Variants in ACSS2 observed in about 807,000 individuals in gnomAD.
ACSS2 encodes the protein acetyl-coenzyme A synthetase, cytoplasmic.
In ACSS2, 58 loss-of-function variants were observed where a neutral mutation model predicts 90.6. That is an observed-to-expected ratio of 0.64 (90% confidence interval 0.52 to 0.80). The LOEUF (loss-of-function observed/expected upper bound fraction) is 0.80, where lower values mean the gene tolerates loss of function less well. Among genes scored for constraint, ACSS2 ranks in the 30% least tolerant of loss-of-function variants. ACSS2 has a pLI of 0.00. For missense variants in ACSS2, 759 were observed against 912.0 expected (o/e 0.83, Z 2.16); for synonymous variants, 300 against 330.9 (o/e 0.91, Z 1.01).
At position 34,883,273 on chromosome 20, in the gene ACSS2, C is replaced by T. The variant is rs1207606648; in HGVS notation, c.374+284C>T. Among the ~76,000 whole-genome samples, 5 of 152,170 alleles carry T rather than the reference C, an allele frequency of 3.3e-5. No individual in the cohort carries two copies. In the East Asian group the frequency reaches 9.6e-4, roughly 29 times the overall value. The stretch of plus-strand genomic sequence containing the variant: ...AGAACAAGACTGAGTAGCTTTCTTC[C>T]TCATTCTTGCTTTGGAAGACAAATA... On this transcript the variant is annotated intron_variant, in intron 2 of 17. Transcript: ENST00000360596.
Position 34,882,769 on chromosome 20 carries a change from ATCTGGGCTTCCATT to A in ACSS2, c.179-20_179-7del. 6.2e-7 allele frequency: 1 copy of A among 1,607,716 alleles called. No homozygotes were observed. Among genetic ancestry groups the A allele is most frequent in the Non-Finnish European group, 8.5e-7 (1 of 1,176,360 alleles). ...AAATATGTCTCAGAAGATTAATGATATCTGGGCTTCCATTTCTGTTGCAGAATTCTGGGGAGACA... is the reference window on the plus strand; with the variant it reads ...AAATATGTCTCAGAAGATTAATGATATCTGTTGCAGAATTCTGGGGAGACA... On this transcript the variant is annotated splice_polypyrimidine_tract_variant and intron_variant, in intron 1 of 17. Transcript: ENST00000360596.
intron 2 of ACSS2, among the ~76,000 whole-genome samples, chr20:34,890,545 G>T (rs1439946057): frequency 6.6e-6 from 1 of 152,080 alleles, no homozygotes; most frequent in African/African-American, 2.4e-5. Flanking sequence ...TATAAGGAGA[G>T]GGTGGAAAGA....
chr20:34,901,831 G>A (rs1377291851), intron 2 of ACSS2, among the ~76,000 whole-genome samples: 1 of 152,170 alleles, frequency 6.6e-6, no homozygotes, highest in Non-Finnish European at 1.5e-5. Flanking sequence ...ACAATCCTGT[G>A]CTGCATGGGA....
At chr20:34,918,680 T>C (rs538317568) in intron 7 of ACSS2, among the ~76,000 whole-genome samples, 299 of 152,324 alleles carry the variant, frequency 2.0e-3, no homozygotes, top group African/African-American at 6.2e-3. Flanking sequence ...GGATTGGGTC[T>C]GGACATGTAG....
chr20:34,915,392 A>T (rs1480573199), intron 7 of ACSS2: 1 of 948,324 alleles, frequency 1.1e-6, no homozygotes, highest in African/African-American at 1.6e-5. Flanking sequence ...GCAACTTGAC[A>T]TCTAAGCCAC....
At chr20:34,906,983 CAA>C (rs1228479859) in intron 2 of ACSS2, among the ~76,000 whole-genome samples, 4 of 41,562 alleles carry the variant, frequency 9.6e-5, no homozygotes, top group Non-Finnish European at 5.6e-5. Flanking sequence ...GACTCCATCT[CAA>C]AAAAAAAAAA....
chr20:34,890,126 A>G (rs1568968664), intron 2 of ACSS2, among the ~76,000 whole-genome samples: 1 of 152,098 alleles, frequency 6.6e-6, no homozygotes, highest in South Asian at 2.1e-4. Flanking sequence ...TGTATTAGCT[A>G]TTTTTTTCAT....
chr20:34,883,409 C>G (rs1310192621), intron 2 of ACSS2, among the ~76,000 whole-genome samples: 2 of 152,188 alleles, frequency 1.3e-5, no homozygotes, highest in Non-Finnish European at 2.9e-5. Context: ...TCCTTTGATG[C>G]TTATAATAAT....
At chr20:34,877,536 G>T in intron 1 of ACSS2, among the ~76,000 whole-genome samples, 1 of 151,976 alleles carries the variant, frequency 6.6e-6, no homozygotes, top group East Asian at 1.9e-4. Flanking sequence ...GAGGAAAATC[G>T]GCCAGGAGCA....
In ACSS2 at chr20:34,899,426, C is replaced by CTTT. The variant is rs769704651; in HGVS notation, c.375-13670_375-13669insTTT. ...TCCTTCTTTCTTTCTTTCTTTCTTTCCTTCCTTCCTTCCTTCCTTCCTTCC... is the reference window on the plus strand; with the variant it reads ...TCCTTCTTTCTTTCTTTCTTTCTTTCTTTCTTCCTTCCTTCCTTCCTTCCTTCC... On this transcript the variant is annotated intron_variant, in intron 2 of 17. Coordinates refer to ENST00000360596, the MANE Select transcript of ACSS2 (RefSeq NM_018677.4). Among the ~76,000 whole-genome samples, 521 of 120,120 alleles carry CTTT rather than the reference C, an allele frequency of 4.3e-3. 7 individuals carry two copies. Among genetic ancestry groups the CTTT allele is most frequent in the African/African-American group, 0.016 (454 of 28,464 alleles). 78.8% of individuals were successfully genotyped at this position (120,120 alleles called of 152,430 possible). A position where few individuals can be genotyped will look rare whatever the true frequency, so the allele number is the denominator to read the frequency against.
chr20:34,905,677 T>C (rs1033495608), intron 2 of ACSS2, among the ~76,000 whole-genome samples: 1 of 152,242 alleles, frequency 6.6e-6, no homozygotes. Context: ...GTTTAGGTAC[T>C]AGATGCCTCC....
intron 14 of ACSS2, among the ~76,000 whole-genome samples, chr20:34,925,466 C>A (rs557190693): frequency 6.6e-6 from 1 of 152,012 alleles, no homozygotes; most frequent in Non-Finnish European, 1.5e-5. Context: ...TCTGCCAAAT[C>A]CTATGATGAC....
At chr20:34,903,065 G>C (rs1478216287) in intron 2 of ACSS2, among the ~76,000 whole-genome samples, 1 of 151,788 alleles carries the variant, frequency 6.6e-6, no homozygotes. Context: ...TTCTGTGGCC[G>C]GGTGCAGTGG....
intron 13 of ACSS2, 154 bp from the exon 14 acceptor site, chr20:34,923,169 G>GT: frequency 1.7e-6 from 1 of 605,604 alleles, no homozygotes; most frequent in Non-Finnish European, 3.0e-6. Flanking sequence ...CACCTAGCTA[G>GT]TAAGTGGTAG....
chr20:34,926,406 A>G (rs918657139), intron 16 of ACSS2, 125 bp downstream of exon 16: 147 of 940,524 alleles, frequency 1.6e-4, no homozygotes, highest in Non-Finnish European at 2.0e-4. Context: ...AGGGGGCCCC[A>G]TGGGCTGATT....
In ACSS2 at chr20:34,913,317, G is replaced by A. The variant is rs879242447; in HGVS notation, c.467-76G>A. On this transcript the variant is annotated intron_variant, in intron 3 of 17. Transcript: ENST00000360596. ...AGGAAGAGAACAGGTCAGCTGGGAG[G>A]GAGGCCAGCTGGATGGGAGGGAGCA... The A allele has an allele frequency of 4.1e-5, 64 of 1,542,530 alleles. No individual in the cohort carries two copies. In the South Asian group the frequency reaches 7.0e-4, roughly 17 times the overall value.
At chr20:34,898,921 C>A (rs140952948) in intron 2 of ACSS2, among the ~76,000 whole-genome samples, 1 of 152,136 alleles carries the variant, frequency 6.6e-6, no homozygotes, top group African/African-American at 2.4e-5. Context: ...TCAGGCATGG[C>A]GGGCTGCAGG....
chr20:34,905,335 T>G (rs1416947073), intron 2 of ACSS2, among the ~76,000 whole-genome samples: 1 of 151,858 alleles, frequency 6.6e-6, no homozygotes, highest in South Asian at 2.1e-4. Context: ...TGCAGTAGTG[T>G]GATCTTGGCT....
At chr20:34,924,684 TG>T (rs1369395763) in intron 14 of ACSS2, among the ~76,000 whole-genome samples, 1,492 of 23,264 alleles carry the variant, frequency 0.064, 14 homozygotes, top group African/African-American at 0.34. Flanking sequence ...ACCTTTTTTT[TG>T]TTGTTGTTGT....
Sources: gnomAD v4.1 joint callset for allele counts (sites outside exome capture counted in the v4.1 genomes callset) on GRCh38, gnomAD v4.1.1 for gene constraint, MANE v1.5 for transcripts, NCBI Gene and HGNC (gene_info 2026-07-23, HGNC 2026-07-21) for gene names.